Variants in SEMA5A observed in about 807,000 individuals in gnomAD.
SEMA5A encodes the protein semaphorin-5A.
Under a neutral mutation model 135.5 loss-of-function variants are expected in SEMA5A, and 55 were observed. The ratio of observed to expected loss-of-function variants is 0.41; its 90% confidence interval spans 0.33 to 0.51. SEMA5A has a LOEUF of 0.51. Among genes scored for constraint, SEMA5A ranks in the 20% least tolerant of loss-of-function variants. The probability of loss-of-function intolerance (pLI) is 0.37; values close to 1 mark genes in which losing one functional copy is unlikely to be tolerated. For synonymous variants in SEMA5A, 580 were observed against 546.5 expected (o/e 1.06, Z -0.85); for missense variants, 1,290 against 1,419.9 (o/e 0.91, Z 1.47).
chr5:9,480,719 A>G (rs1357020285), intron 1 of SEMA5A, among the ~76,000 whole-genome samples: 1 of 152,136 alleles, frequency 6.6e-6, no homozygotes, highest in Non-Finnish European at 1.5e-5. Flanking sequence ...TGTGCCTCAC[A>G]CAGAACAGAT....
chr5:9,306,412 G>A (rs1301175549), intron 5 of SEMA5A, among the ~76,000 whole-genome samples: 1 of 151,880 alleles, frequency 6.6e-6, no homozygotes, highest in East Asian at 1.9e-4. Flanking sequence ...TTTCTGCTAT[G>A]TCTAATCTGC....
intron 8 of SEMA5A, among the ~76,000 whole-genome samples, chr5:9,223,654 C>A (rs1367691526): frequency 6.6e-6 from 1 of 152,184 alleles, no homozygotes; most frequent in East Asian, 1.9e-4. Context: ...TAGCAAAAGT[C>A]TACTAACTCT....
chr5:9,306,078 T>C (rs1470534277), intron 5 of SEMA5A, among the ~76,000 whole-genome samples: 1 of 152,222 alleles, frequency 6.6e-6, no homozygotes, highest in East Asian at 1.9e-4. Flanking sequence ...TTTTAAGATT[T>C]ATCCCTTTTC....
At chr5:9,451,523 A>T (rs568816907) in intron 1 of SEMA5A, among the ~76,000 whole-genome samples, 1 of 152,354 alleles carries the variant, frequency 6.6e-6, no homozygotes, top group African/African-American at 2.4e-5. Context: ...CCATAGTCAG[A>T]AAAGTGGGGT....
At chr5:9,378,541 A>C (rs1755463817) in intron 3 of SEMA5A, among the ~76,000 whole-genome samples, 1 of 152,324 alleles carries the variant, frequency 6.6e-6, no homozygotes, top group Non-Finnish European at 1.5e-5. Context: ...GATTACTAGG[A>C]ATTTACAGAC....
chr5:9,477,445 T>C (rs1272872358), intron 1 of SEMA5A, among the ~76,000 whole-genome samples: 1 of 152,170 alleles, frequency 6.6e-6, no homozygotes, highest in East Asian at 1.9e-4. Context: ...GTTTGGAACT[T>C]CCTAGAGACT....
intron 3 of SEMA5A, chr5:9,363,295 A>T (rs1002418661): frequency 2.0e-5 from 3 of 152,240 alleles, no homozygotes; most frequent in African/African-American, 7.2e-5. Context: ...TTCCTGCCTG[A>T]ACCATGCACA....
intron 5 of SEMA5A, among the ~76,000 whole-genome samples, chr5:9,247,434 C>T (rs1428575209): frequency 2.6e-5 from 4 of 152,100 alleles, no homozygotes; most frequent in Admixed American, 6.6e-5. Context: ...CTGAAACTGG[C>T]TTCATGAAAA....
At chr5:9,433,622 C>A (rs887878623) in intron 2 of SEMA5A, among the ~76,000 whole-genome samples, 1 of 140,760 alleles carries the variant, frequency 7.1e-6, no homozygotes, top group Non-Finnish European at 1.6e-5. Context: ...CCTCCTTTCT[C>A]TCTTTCTCTC....
chr5:9,514,392 C>T (rs1736391871), intron 1 of SEMA5A, among the ~76,000 whole-genome samples: 1 of 152,190 alleles, frequency 6.6e-6, no homozygotes, highest in Non-Finnish European at 1.5e-5. Flanking sequence ...TGGACTATCA[C>T]ACCCTCCACA....
intron 3 of SEMA5A, among the ~76,000 whole-genome samples, chr5:9,371,530 T>C (rs1363747716): frequency 6.6e-6 from 1 of 152,214 alleles, no homozygotes; most frequent in African/African-American, 2.4e-5. Flanking sequence ...AAATATTTCA[T>C]TTCTCCAGAT....
intron 11 of SEMA5A, among the ~76,000 whole-genome samples, chr5:9,160,099 G>A (rs1290682442): frequency 6.6e-6 from 1 of 152,114 alleles, no homozygotes; most frequent in Non-Finnish European, 1.5e-5. Flanking sequence ...GTCAATAGGT[G>A]CAACAAACCA....
At chr5:9,237,640 T>C (rs191147105) in intron 6 of SEMA5A, 188 bp downstream of exon 6, 77 of 418,234 alleles carry the variant, frequency 1.8e-4, no homozygotes, top group Non-Finnish European at 6.3e-5. Context: ...TTGGAAATGA[T>C]TGATTGCTGG....
In SEMA5A at chr5:9,037,249, A is replaced by T. The variant is rs968226286; in HGVS notation, c.*5648T>A. ...TGTAAAACATGTTTGCTTGAGCAAGAATTGATATTGACTCCGATTGCAGGG... is the reference window on the plus strand; with the variant it reads ...TGTAAAACATGTTTGCTTGAGCAAGTATTGATATTGACTCCGATTGCAGGG... On this transcript the variant is annotated 3_prime_UTR_variant, in exon 23 of 23. Coordinates refer to ENST00000382496, the MANE Select transcript of SEMA5A (RefSeq NM_003966.3). 1.3e-5 allele frequency: 2 copies of T among 152,242 alleles called. No individual in the cohort carries two copies. Among genetic ancestry groups the T allele is most frequent in the Non-Finnish European group, 2.9e-5 (2 of 68,044 alleles). The allele number at this position is 152,242 out of a possible 1,614,324, so 9.4% of individuals were successfully genotyped here. A position where few individuals can be genotyped will look rare whatever the true frequency, so the allele number is the denominator to read the frequency against.
intron 1 of SEMA5A, among the ~76,000 whole-genome samples, chr5:9,528,693 C>A (rs148676017): frequency 6.6e-6 from 1 of 152,304 alleles, no homozygotes; most frequent in South Asian, 2.1e-4. Flanking sequence ...CAAGGAGAAC[C>A]ACTCAGCTGA....
At chr5:9,445,632 G>T (rs1758406689) in intron 1 of SEMA5A, among the ~76,000 whole-genome samples, 1 of 152,046 alleles carries the variant, frequency 6.6e-6, no homozygotes, top group Non-Finnish European at 1.5e-5. Flanking sequence ...TGGCACCACT[G>T]CACTCCAGTC....
At chr5:9,235,951 T>C (rs1177205573) in intron 6 of SEMA5A, among the ~76,000 whole-genome samples, 1 of 152,032 alleles carries the variant, frequency 6.6e-6, no homozygotes, top group Non-Finnish European at 1.5e-5. Context: ...CACACAATCA[T>C]AGCAGCAAAT....
intron 4 of SEMA5A, among the ~76,000 whole-genome samples, chr5:9,323,414 AT>A (rs1296127252): frequency 6.6e-6 from 1 of 152,152 alleles, no homozygotes; most frequent in East Asian, 1.9e-4. Context: ...AGATACAATA[AT>A]TCTTTAATAG....
chr5:9,040,245 T>C lies in SEMA5A; in HGVS notation c.*2652A>G, dbSNP rs1206677091. ...AGGGAATGAAGGACAAAAACAAAGATAAAGAAAGAGAGAATGAAAAGGTCA... is the reference window on the plus strand; with the variant it reads ...AGGGAATGAAGGACAAAAACAAAGACAAAGAAAGAGAGAATGAAAAGGTCA... On this transcript the variant is annotated 3_prime_UTR_variant, in exon 23 of 23. Coordinates refer to ENST00000382496, the MANE Select transcript of SEMA5A (RefSeq NM_003966.3). 3 of 151,936 alleles carry C rather than the reference T, an allele frequency of 2.0e-5. No individual in the cohort carries two copies. Among genetic ancestry groups the C allele is most frequent in the Non-Finnish European group, 4.4e-5 (3 of 67,968 alleles). The allele number at this position is 151,936 out of a possible 1,614,324, so 9.4% of individuals were successfully genotyped here.
Sources: allele counts gnomAD v4.1 joint callset (sites outside exome capture counted in the v4.1 genomes callset), GRCh38; gene constraint gnomAD v4.1.1; transcripts MANE v1.5; gene names NCBI Gene and HGNC (gene_info 2026-07-23, HGNC 2026-07-21).